Variants in FRMPD4 observed in about 807,000 individuals in gnomAD.
The protein encoded by FRMPD4 is FERM and PDZ domain containing 4.
In FRMPD4, 22 loss-of-function variants were observed where a neutral mutation model predicts 94.1. The ratio of observed to expected loss-of-function variants is 0.23; its 90% CI spans 0.17 to 0.33. The LOEUF is 0.33. FRMPD4 is among the 10% of genes least tolerant of loss of function. The probability of loss-of-function intolerance (pLI) is 1.00; values close to 1 mark genes in which losing one functional copy is unlikely to be tolerated. For missense variants in FRMPD4, 1,111 were observed against 1,339.9 expected, an observed-to-expected ratio of 0.83 and a Z score of 2.67; for synonymous variants, 631 against 548.6, an observed-to-expected ratio of 1.15 and a Z score of -2.10.
At chrX:12,018,719 G>T (rs1048042132) in intron 3 of FRMPD4, among the ~76,000 whole-genome samples, 1 of 111,750 alleles carries the variant, frequency 8.9e-6, no homozygotes, top group African/African-American at 3.3e-5. Flanking sequence ...TCCCGGTCCA[G>T]ATTTCCCCTT....
chrX:12,388,346 C>A (rs912657131), intron 1 of FRMPD4, among the ~76,000 whole-genome samples: 1 of 112,041 alleles, frequency 8.9e-6, no homozygotes, highest in Non-Finnish European at 1.9e-5. Flanking sequence ...GTGGCTCACG[C>A]CTGTAATCCC....
intron 1 of FRMPD4, among the ~76,000 whole-genome samples, chrX:12,273,031 T>G (rs1267211305): frequency 5.5e-5 from 6 of 108,667 alleles, no homozygotes; most frequent in African/African-American, 2.0e-4. Context: ...GAGCCAAGAT[T>G]GCACCACTGT....
intron 1 of FRMPD4, among the ~76,000 whole-genome samples, chrX:11,854,420 A>G (rs28778135): frequency 0.038 from 4,212 of 111,775 alleles, 122 homozygotes; most frequent in African/African-American, 0.097. Context: ...TCATTCCAGC[A>G]TTAACTCAAA....
chrX:12,496,608 T>G (rs1448524697), intron 1 of FRMPD4, among the ~76,000 whole-genome samples: 1 of 112,391 alleles, frequency 8.9e-6, no homozygotes, highest in Non-Finnish European at 1.9e-5. Context: ...TGTCGTTAAC[T>G]TTTCTCAAGG....
chrX:12,543,468 A>C (rs1188578231), intron 2 of FRMPD4, among the ~76,000 whole-genome samples: 1 of 112,604 alleles, frequency 8.9e-6, no homozygotes, highest in Non-Finnish European at 1.9e-5. Flanking sequence ...ACATTTATGC[A>C]TCCAAAAGAC....
intron 1 of FRMPD4, among the ~76,000 whole-genome samples, chrX:11,841,653 T>C (rs1418681527): frequency 1.8e-5 from 2 of 111,351 alleles, no homozygotes; most frequent in East Asian, 5.6e-4. Flanking sequence ...ATTAGCCCTT[T>C]GTCACATGAG....
intron 1 of FRMPD4, among the ~76,000 whole-genome samples, chrX:12,144,899 G>C (rs1176162356): frequency 9.1e-6 from 1 of 109,753 alleles, no homozygotes. Flanking sequence ...ATTGAAATGG[G>C]TTTTTATAGA....
At chrX:12,161,063 G>T (rs1420917726) in intron 1 of FRMPD4, among the ~76,000 whole-genome samples, 1 of 111,187 alleles carries the variant, frequency 9.0e-6, no homozygotes, top group African/African-American at 3.3e-5. Context: ...ACCTCCTTCT[G>T]TTGCTGCTGC....
At chrX:12,399,470 T>C (rs1199874788) in intron 1 of FRMPD4, among the ~76,000 whole-genome samples, 1 of 111,735 alleles carries the variant, frequency 8.9e-6, no homozygotes, top group Non-Finnish European at 1.9e-5. Context: ...GTAGAAAATT[T>C]GTTATACCTT....
intron 1 of FRMPD4, among the ~76,000 whole-genome samples, chrX:12,497,164 A>G (rs1212664358): frequency 8.9e-6 from 1 of 111,738 alleles, no homozygotes; most frequent in African/African-American, 3.2e-5. Context: ...GACACCGAAC[A>G]TAATTGAGTA....
chrX:12,290,830 G>C (rs2054674946), intron 1 of FRMPD4, among the ~76,000 whole-genome samples: 1 of 104,877 alleles, frequency 9.5e-6, no homozygotes, highest in Non-Finnish European at 1.9e-5. Flanking sequence ...CATACATATA[G>C]GTGACCTTAT....
chrX:12,220,523 T>C (rs1035201191), intron 1 of FRMPD4, among the ~76,000 whole-genome samples: 6 of 111,873 alleles, frequency 5.4e-5, no homozygotes, highest in African/African-American at 1.6e-4. Context: ...CCAAGCAGGA[T>C]TGATTTAAGT....
intron 1 of FRMPD4, among the ~76,000 whole-genome samples, chrX:12,208,986 AG>A (rs1188659604): frequency 9.0e-6 from 1 of 110,808 alleles, no homozygotes; most frequent in African/African-American, 3.3e-5. Context: ...GCTTTCAATA[AG>A]GTGATTAATT....
intron 1 of FRMPD4, among the ~76,000 whole-genome samples, chrX:12,287,529 A>G (rs2054619544): frequency 9.0e-6 from 1 of 111,622 alleles, no homozygotes; most frequent in Non-Finnish European, 1.9e-5. Context: ...GCAGTGGGGA[A>G]CTAGTGGGGA....
At chrX:12,227,826 A>G (rs1601716190) in intron 1 of FRMPD4, among the ~76,000 whole-genome samples, 2 of 68,551 alleles carry the variant, frequency 2.9e-5, no homozygotes, top group African/African-American at 6.1e-5. Context: ...AAAGAGAGGG[A>G]GAGAGAGAGA....
intron 1 of FRMPD4, among the ~76,000 whole-genome samples, chrX:12,230,367 C>T (rs1387033299): frequency 9.0e-6 from 1 of 111,509 alleles, no homozygotes; most frequent in African/African-American, 3.3e-5. Flanking sequence ...AGGAGCTGGA[C>T]ACTGGCAAAC....
chrX:12,452,371 A>G (rs2057282873), intron 1 of FRMPD4, among the ~76,000 whole-genome samples: 1 of 112,139 alleles, frequency 8.9e-6, no homozygotes, highest in Non-Finnish European at 1.9e-5. Context: ...TATCTGCATC[A>G]TATTCATTGC....
At chrX:11,944,261 G>T (rs190993485) in intron 3 of FRMPD4, among the ~76,000 whole-genome samples, 38 of 111,967 alleles carry the variant, frequency 3.4e-4, no homozygotes, top group African/African-American at 1.2e-3. Context: ...AAAATATTTT[G>T]CTTCTTCATC....
chrX:12,233,204 A>G (rs989628685), intron 1 of FRMPD4, among the ~76,000 whole-genome samples: 2 of 111,821 alleles, frequency 1.8e-5, no homozygotes, highest in Admixed American at 9.5e-5. Flanking sequence ...AATATGAGGT[A>G]CCTTACCCAA....
Sources: allele counts gnomAD v4.1 joint callset (sites outside exome capture counted in the v4.1 genomes callset), GRCh38; gene constraint gnomAD v4.1.1; transcripts MANE v1.5; gene names NCBI Gene and HGNC (gene_info 2026-07-23, HGNC 2026-07-21).